The following FBN1 variants were observed in gnomAD, a reference collection of about 807,000 sequenced individuals.
The protein encoded by FBN1 is fibrillin 1.
Under a neutral mutation model 365.1 loss-of-function variants are expected in FBN1, and 29 were observed. The observed-to-expected ratio is 0.08, with a 90% CI of 0.06 to 0.11. FBN1 has a LOEUF of 0.11. FBN1 is among the 10% of genes least tolerant of loss of function. The probability of loss-of-function intolerance (pLI) is 1.00; values close to 1 mark genes in which losing one functional copy is unlikely to be tolerated. For synonymous variants in FBN1, 1,210 were observed against 1,270.5 expected, an observed-to-expected ratio of 0.95 and a Z score of 1.01; for missense variants, 2,476 against 3,703.2, an observed-to-expected ratio of 0.67 and a Z score of 8.60.
intron 60 of FBN1, among the ~76,000 whole-genome samples, chr15:48,423,502 C>T (rs570211106): frequency 1.3e-5 from 2 of 152,178 alleles, no homozygotes; most frequent in East Asian, 3.9e-4. Flanking sequence ...TGTCTATGGC[C>T]CAAGGAGCTT....
At chr15:48,438,114 A>G (rs2043087274) in intron 50 of FBN1, among the ~76,000 whole-genome samples, 197 bp from the exon 51 acceptor site, 1 of 152,180 alleles carries the variant, frequency 6.6e-6, no homozygotes, top group Admixed American at 6.5e-5. Context: ...AGATCTGATG[A>G]ACAACTCTAT....
At chr15:48,487,968 C>T in intron 27 of FBN1, 145 bp downstream of exon 27, 2 of 1,074,198 alleles carry the variant, frequency 1.9e-6, no homozygotes, top group Non-Finnish European at 1.4e-6. Flanking sequence ...ATTCTTTCTA[C>T]CTCAGTCTCC....
intron 46 of FBN1, among the ~76,000 whole-genome samples, chr15:48,447,064 A>G (rs1277328494): frequency 1.3e-5 from 2 of 152,172 alleles, no homozygotes; most frequent in Non-Finnish European, 2.9e-5. Context: ...AGCTAAGGAC[A>G]TGAGACCTGA....
In FBN1 at chr15:48,412,367, A is replaced by G. The variant is rs573651433; in HGVS notation, c.8226+202T>C. Among the ~76,000 whole-genome samples the G allele has an allele frequency of 2.6e-5, 4 of 152,298 alleles. No homozygotes were observed. The South Asian group carries it at 8.3e-4, about 32-fold the overall frequency. ...AATGAGCAAGTATGTGAAAACCTTCAAATGGCCACTCCCGAAAAGCAGCAA... is the reference window on the plus strand; with the variant it reads ...AATGAGCAAGTATGTGAAAACCTTCGAATGGCCACTCCCGAAAAGCAGCAA... On this transcript the variant is annotated intron_variant, in intron 65 of 65. Transcript: ENST00000316623.
chr15:48,553,156 C>T (rs2044155781), intron 6 of FBN1, among the ~76,000 whole-genome samples: 1 of 152,102 alleles, frequency 6.6e-6, no homozygotes, highest in Non-Finnish European at 1.5e-5. Flanking sequence ...TTAGATGACC[C>T]TCTTTCTCTA....
chr15:48,604,024 T>C lies in FBN1; in HGVS notation c.347-3790A>G, dbSNP rs1376506313. On this transcript the variant is annotated intron_variant, in intron 4 of 65. Transcript: ENST00000316623. Reference sequence around the variant, plus strand: ...ATTCAACAGTGACTTACTGAACGTCTTTCATTTGGCAGCATTGGCCAGAAA... The same window carrying C: ...ATTCAACAGTGACTTACTGAACGTCCTTCATTTGGCAGCATTGGCCAGAAA... Among the ~76,000 whole-genome samples, 3 of 152,240 alleles carry C rather than the reference T, an allele frequency of 2.0e-5. No individual in the cohort carries two copies. In the East Asian group the frequency reaches 5.8e-4, roughly 29 times the overall value.
intron 6 of FBN1, among the ~76,000 whole-genome samples, chr15:48,560,815 T>C (rs1283368659): frequency 1.3e-5 from 2 of 152,130 alleles, no homozygotes; most frequent in East Asian, 3.9e-4. Context: ...CTAATCCACG[T>C]CCCCTGCATG....
At chr15:48,463,654 T>C (rs973683921) in intron 41 of FBN1, among the ~76,000 whole-genome samples, 12 of 152,162 alleles carry the variant, frequency 7.9e-5, no homozygotes, top group Non-Finnish European at 1.5e-4. Context: ...ACAAAAGAAG[T>C]ACTATTAACT....
chr15:48,561,364 A>G (rs766689591), intron 6 of FBN1, among the ~76,000 whole-genome samples: 3 of 152,200 alleles, frequency 2.0e-5, no homozygotes, highest in Non-Finnish European at 2.9e-5. Flanking sequence ...TGCTTTAAAC[A>G]TTTATATTAT....
At position 48,613,656 on chromosome 15, in the gene FBN1, G is replaced by A. The variant is rs7171054; in HGVS notation, c.165-564C>T. On this transcript the variant is annotated intron_variant, in intron 2 of 65. Transcript: ENST00000316623. ...AAAAGTTTGGAAACAGGCCAGGCGC[G>A]GTGGCTCACGCCTGTAATCCCAGCA... Among the ~76,000 whole-genome samples, 483 of 152,248 alleles carry A rather than the reference G, an allele frequency of 3.2e-3. 1 individual carries two copies. Among genetic ancestry groups the A allele is most frequent in the African/African-American group, 0.011 (468 of 41,548 alleles).
At chr15:48,469,082 ATATATATATAT>A (rs1284149295) in intron 36 of FBN1, among the ~76,000 whole-genome samples, 17 of 114,536 alleles carry the variant, frequency 1.5e-4, no homozygotes, top group African/African-American at 5.5e-4. Flanking sequence ...AAAAAAAAAT[ATATATATATAT>A]AAAATATAAT....
chr15:48,572,407 T>A (rs1483231910), intron 6 of FBN1, among the ~76,000 whole-genome samples: 1 of 151,744 alleles, frequency 6.6e-6, no homozygotes, highest in Admixed American at 6.6e-5. Flanking sequence ...AAGTTTTCAA[T>A]AAAGGGGAGA....
chr15:48,639,399 C>T (rs997315885), intron 2 of FBN1, among the ~76,000 whole-genome samples: 1 of 152,164 alleles, frequency 6.6e-6, no homozygotes, highest in African/African-American at 2.4e-5. Context: ...CCTACCATGG[C>T]TGCAATTGTT....
At chr15:48,413,783 A>G (rs1220341073) in intron 64 of FBN1, among the ~76,000 whole-genome samples, 1 of 152,264 alleles carries the variant, frequency 6.6e-6, no homozygotes, top group Non-Finnish European at 1.5e-5. Flanking sequence ...TCTGCTCTTT[A>G]GAACTAATTT....
intron 19 of FBN1, 127 bp from the exon 20 acceptor site, chr15:48,496,352 T>C (rs2043608992): frequency 1.7e-6 from 2 of 1,149,792 alleles, no homozygotes. Flanking sequence ...GCAAAACTCC[T>C]GTAGCATTAG....
chr15:48,432,775 C>T, intron 55 of FBN1, 91 bp downstream of exon 55: 1 of 1,510,648 alleles, frequency 6.6e-7, no homozygotes, highest in Non-Finnish European at 9.2e-7. Context: ...TTCCAATTCC[C>T]AGCCTTCTCC....
At chr15:48,500,752 T>C (rs1566913030) in intron 17 of FBN1, among the ~76,000 whole-genome samples, 1 of 152,138 alleles carries the variant, frequency 6.6e-6, no homozygotes, top group Non-Finnish European at 1.5e-5. Flanking sequence ...GATCCATGTC[T>C]GTGAAATGTC....
At chr15:48,436,514 C>A (rs1438258123) in intron 53 of FBN1, among the ~76,000 whole-genome samples, 2 of 152,036 alleles carry the variant, frequency 1.3e-5, no homozygotes, top group Admixed American at 6.6e-5. Flanking sequence ...ATTTTAAAAA[C>A]AGGGTTACAA....
At chr15:48,443,407 T>C (rs915805075) in intron 49 of FBN1, among the ~76,000 whole-genome samples, 1 of 152,194 alleles carries the variant, frequency 6.6e-6, no homozygotes, top group Non-Finnish European at 1.5e-5. Flanking sequence ...GGCACATTCA[T>C]TGACTGTGCA....
Sources: gnomAD v4.1 joint callset for allele counts (sites outside exome capture counted in the v4.1 genomes callset) on GRCh38, gnomAD v4.1.1 for gene constraint, MANE v1.5 for transcripts, NCBI Gene and HGNC (gene_info 2026-07-23, HGNC 2026-07-21) for gene names.